ARV1: variants seen among roughly 807,000 people sequenced by gnomAD.
The protein encoded by ARV1 is ARV1 fatty acid homeostasis modulator.
In ARV1, 26 loss-of-function variants were observed where a neutral mutation model predicts 31.1. The observed-to-expected ratio is 0.84, with a 90% CI of 0.61 to 1.16. The LOEUF is 1.16. Ranked by LOEUF, ARV1 falls within the 50% of genes most tolerant of loss-of-function variation. The pLI is 0.00. For missense variants in ARV1, 281 were observed against 324.9 expected, an observed-to-expected ratio of 0.86 and a Z score of 1.04; for synonymous variants, 117 against 123.2, an observed-to-expected ratio of 0.95 and a Z score of 0.34.
chr1:230,989,287 A>G (rs1679169595), intron 2 of ARV1, among the ~76,000 whole-genome samples: 1 of 152,008 alleles, frequency 6.6e-6, no homozygotes, highest in African/African-American at 2.4e-5. Flanking sequence ...ACAGGCACGC[A>G]TCACCAAGCC....
At chr1:230,990,978 A>T (rs1051920838) in intron 3 of ARV1, among the ~76,000 whole-genome samples, 2 of 152,176 alleles carry the variant, frequency 1.3e-5, no homozygotes, top group Middle Eastern at 3.2e-3. Flanking sequence ...TATTGTACTA[A>T]TTGCATTATA....
At chr1:230,986,625 G>A (rs937979883) in intron 1 of ARV1, among the ~76,000 whole-genome samples, 2 of 141,300 alleles carry the variant, frequency 1.4e-5, no homozygotes, top group East Asian at 2.2e-4. Context: ...ATCGGAACAC[G>A]TTTCTGTTCG....
chr1:230,985,066 A>G (rs1003804375), intron 1 of ARV1, among the ~76,000 whole-genome samples: 3 of 152,190 alleles, frequency 2.0e-5, no homozygotes, highest in Admixed American at 6.5e-5. Flanking sequence ...TCTTACTTAC[A>G]TGAGAAGCAA....
chr1:230,981,917 C>T (rs767138356), intron 1 of ARV1, among the ~76,000 whole-genome samples: 4 of 152,208 alleles, frequency 2.6e-5, no homozygotes, highest in Non-Finnish European at 4.4e-5. Context: ...ATCTGCGTGA[C>T]TAATTCCCTT....
chr1:230,997,967 T>C (rs1679417859), intron 5 of ARV1, among the ~76,000 whole-genome samples: 2 of 152,214 alleles, frequency 1.3e-5, no homozygotes, highest in African/African-American at 2.4e-5. Flanking sequence ...TCTGTTCTGG[T>C]CGTCCCCTTT....
intron 3 of ARV1, chr1:230,990,628 C>G (rs941799664): frequency 1.7e-5 from 6 of 347,434 alleles, no homozygotes; most frequent in Admixed American, 3.1e-5. Context: ...AGTCACAGCT[C>G]ACTGCAGCCC....
chr1:230,979,467 A>G (rs1424760365), intron 1 of ARV1, 188 bp downstream of exon 1: 3 of 646,374 alleles, frequency 4.6e-6, no homozygotes, highest in Non-Finnish European at 7.5e-6. Flanking sequence ...ATACTGGGGC[A>G]TATTTGGGTG....
At chr1:230,986,832 T>C (rs1215618720) in intron 1 of ARV1, among the ~76,000 whole-genome samples, 2 of 152,074 alleles carry the variant, frequency 1.3e-5, no homozygotes, top group Admixed American at 6.6e-5. Flanking sequence ...CCATGGCACC[T>C]GGCCCTGCCT....
At chr1:230,984,459 T>A (rs61828274) in intron 1 of ARV1, among the ~76,000 whole-genome samples, 1 of 149,252 alleles carries the variant, frequency 6.7e-6, no homozygotes, top group Non-Finnish European at 1.5e-5. Context: ...CAAGCAGCAC[T>A]TAAGGGAAAA....
chr1:230,996,473 G>A (rs550358576), intron 4 of ARV1, among the ~76,000 whole-genome samples: 38 of 151,968 alleles, frequency 2.5e-4, no homozygotes, highest in South Asian at 2.1e-3. Flanking sequence ...TTGAGATAGG[G>A]TGTCACTTGG....
rs1679193094 is a variant in ARV1, at chr1:230,990,238, T to C, written c.423T>C (p.Tyr141=). ...GATATGCTAAGGAATGGGATTTCTA[T>C]AGAATGTTTGCGATTGCTGCTTTAG... ...LIRYAKEWDF[Y]RMFAIAALEQ... Residue 141 remains tyrosine, a synonymous_variant, in exon 3 of 6, where the codon TAT becomes TAC. Coordinates refer to ENST00000310256, the MANE Select transcript of ARV1 (RefSeq NM_022786.3). The C allele has an allele frequency of 1.9e-6, 3 of 1,612,900 alleles. No homozygotes were observed. The highest frequency in any genetic ancestry group is 1.1e-5 in the South Asian group (1 of 90,786).
At chr1:230,994,360 G>A (rs548804064) in intron 3 of ARV1, among the ~76,000 whole-genome samples, 2 of 152,160 alleles carry the variant, frequency 1.3e-5, no homozygotes, top group East Asian at 1.9e-4. Flanking sequence ...CTTGTTATTC[G>A]CTATTCTTTC....
rs777906670 is a variant in ARV1 at position 230,988,356 on chromosome 1, T to C, written c.211T>C (p.Tyr71His). Residue 71 changes from tyrosine to histidine, a missense_variant, in exon 2 of 6, where the codon TAT becomes CAT. Physicochemically the swap from Tyr to His is moderately conservative, Grantham distance 83 (BLOSUM62 2). Coordinates refer to ENST00000310256, the MANE Select transcript of ARV1 (RefSeq NM_022786.3). ...CQKPVDKYIEYDPVIILINAI... is the reference protein window; with the variant it reads ...CQKPVDKYIEHDPVIILINAI... ...GAAACCTGTAGACAAATATATCGAGTATGATCCTGTTATCATCTTGATTAA... is the reference window on the plus strand; with the variant it reads ...GAAACCTGTAGACAAATATATCGAGCATGATCCTGTTATCATCTTGATTAA... 2.5e-6 allele frequency: 4 copies of C among 1,595,638 alleles called. No homozygotes were observed. The highest frequency in any genetic ancestry group is 3.4e-6 in the Non-Finnish European group (4 of 1,165,248).
At position 230,990,130 on chromosome 1, in the gene ARV1, A is replaced by G. The variant is rs769250408; in HGVS notation, c.315A>G (p.Ile105Met). 3.1e-6 allele frequency: 5 copies of G among 1,606,082 alleles called. No individual in the cohort carries two copies. In the Middle Eastern group the frequency reaches 5.0e-4, roughly 159 times the overall value. The change falls in exon 3 of 6, where the codon ATA (isoleucine) becomes ATG (methionine). Residue 105 changes from isoleucine (I) to methionine (M), a missense_variant. By Grantham distance (10) the Ile-to-Met change is conservative (BLOSUM62 1). Coordinates refer to ENST00000310256, the MANE Select transcript of ARV1 (RefSeq NM_022786.3). Reference protein sequence around the residue: ...TQINIHGKLCIFCLLCEAYLR... With the variant: ...TQINIHGKLCMFCLLCEAYLR... Reference sequence around the variant, plus strand: ...ATCAGATCCATGGAAAACTCTGCATATTTTGTTTGCTTTGTGAAGCATACC... The same window carrying G: ...ATCAGATCCATGGAAAACTCTGCATGTTTTGTTTGCTTTGTGAAGCATACC...
chr1:230,986,208 C>T (rs2103046552), intron 1 of ARV1, among the ~76,000 whole-genome samples: 1 of 152,224 alleles, frequency 6.6e-6, no homozygotes, highest in South Asian at 2.1e-4. Flanking sequence ...CAGGCATGAG[C>T]CACCATGCCT....
chr1:230,982,411 T>C (rs887780940), intron 1 of ARV1, among the ~76,000 whole-genome samples: 1 of 152,270 alleles, frequency 6.6e-6, no homozygotes, highest in Non-Finnish European at 1.5e-5. Flanking sequence ...AAATCTCTTT[T>C]TGTTGGCATT....
intron 5 of ARV1, among the ~76,000 whole-genome samples, chr1:230,997,620 G>A (rs1679406774): frequency 6.6e-6 from 1 of 151,994 alleles, no homozygotes; most frequent in African/African-American, 2.4e-5. Context: ...CCCATGCCAG[G>A]TTTTTGCTGC....
At chr1:230,999,504 A>G (rs1679465281) in intron 5 of ARV1, 1 of 152,144 alleles carries the variant, frequency 6.6e-6, no homozygotes, top group Non-Finnish European at 1.5e-5. Flanking sequence ...TTCTCTGAGC[A>G]TTAGTGTGGC....
intron 1 of ARV1, among the ~76,000 whole-genome samples, chr1:230,986,295 T>G (rs1278341139): frequency 1.3e-5 from 2 of 152,138 alleles, no homozygotes; most frequent in Non-Finnish European, 1.5e-5. Context: ...CTGGAAAACA[T>G]ACCTATTCTT....
Sources: allele counts gnomAD v4.1 joint callset (sites outside exome capture counted in the v4.1 genomes callset), GRCh38; gene constraint gnomAD v4.1.1; transcripts MANE v1.5; gene names NCBI Gene and HGNC (gene_info 2026-07-23, HGNC 2026-07-21).